Variants in RERE observed in about 807,000 individuals in gnomAD.
The protein encoded by RERE is arginine-glutamic acid dipeptide repeats protein.
In RERE, 40 loss-of-function variants were observed where a neutral mutation model predicts 146.1. The ratio of observed to expected loss-of-function variants is 0.27; its 90% confidence interval spans 0.21 to 0.36. RERE has a LOEUF of 0.36. RERE is among the 10% of genes least tolerant of loss of function. The pLI is 1.00. For synonymous variants in RERE, 1,003 were observed against 866.0 expected (o/e 1.16, Z -2.78); for missense variants, 1,933 against 2,138.7 (o/e 0.90, Z 1.90).
At chr1:8,490,902 A>C (rs72866098) in intron 10 of RERE, among the ~76,000 whole-genome samples, 2,952 of 150,454 alleles carry the variant, frequency 0.02, 370 homozygotes, top group African/African-American at 0.072. Context: ...GTAGTTTCAC[A>C]GATTTATATA....
chr1:8,364,169 G>A lies in RERE; in HGVS notation c.1627C>T (p.Pro543Ser), dbSNP rs1641708212. ...RIHFKKYGEL[P>S]PIEKPVDPPP... ...GGGTCCACGGGCTTCTCAATGGGCG[G>A]GAGCTCACCGTATTTCTTGAAGTGG... Residue 543 changes from proline to serine, a missense_variant, in exon 15 of 23, where the codon CCG (proline) becomes TCG (serine). Around this residue, in one of 11 missense-constraint regions of RERE, gnomAD observed 260 missense variants for 378.4 expected, o/e 0.69. Coordinates refer to ENST00000400908, the MANE Select transcript of RERE (RefSeq NM_001042681.2). The surrounding 1 kb of genome is among the most constrained non-coding windows in gnomAD (Gnocchi z 5.1). 6.2e-7 allele frequency: 1 copy of A among 1,614,140 alleles called. No individual in the cohort carries two copies.
intron 9 of RERE, 113 bp from the exon 10 acceptor site, chr1:8,495,275 G>T: frequency 1.4e-6 from 1 of 729,858 alleles, no homozygotes. Flanking sequence ...ATTACTACAC[G>T]CATGATGAAC....
At chr1:8,573,377 T>G (rs1417536207) in intron 4 of RERE, among the ~76,000 whole-genome samples, 2 of 147,008 alleles carry the variant, frequency 1.4e-5, no homozygotes, top group African/African-American at 2.5e-5. Context: ...ATTTTGCATG[T>G]TTTTATACTG....
chr1:8,561,627 G>GAA (rs1157117652), intron 4 of RERE, among the ~76,000 whole-genome samples: 6 of 152,296 alleles, frequency 3.9e-5, no homozygotes, highest in Admixed American at 2.6e-4. Context: ...TGCTGTGGGA[G>GAA]AATCTCTAAT....
chr1:8,523,851 G>C (rs1004964997), intron 7 of RERE, among the ~76,000 whole-genome samples: 2 of 152,232 alleles, frequency 1.3e-5, no homozygotes, highest in African/African-American at 4.8e-5. Context: ...ACCTGATCCA[G>C]AGCTGATTCG....
At chr1:8,416,422 T>TA (rs1643766442) in intron 12 of RERE, among the ~76,000 whole-genome samples, 1 of 151,790 alleles carries the variant, frequency 6.6e-6, no homozygotes, top group South Asian at 2.1e-4. Flanking sequence ...CCGTCTCTAC[T>TA]AAAAACACAA....
chr1:8,794,497 C>T (rs1200594558), intron 1 of RERE, among the ~76,000 whole-genome samples: 4 of 152,078 alleles, frequency 2.6e-5, no homozygotes, highest in Non-Finnish European at 5.9e-5. Flanking sequence ...TACCTGTTCC[C>T]ATTCCTAATA....
At chr1:8,645,819 A>C (rs1647279158) in intron 2 of RERE, among the ~76,000 whole-genome samples, 1 of 152,226 alleles carries the variant, frequency 6.6e-6, no homozygotes, top group Non-Finnish European at 1.5e-5. Context: ...ACGAAGTAAT[A>C]AGTTTTTATG....
intron 11 of RERE, among the ~76,000 whole-genome samples, chr1:8,438,177 C>T (rs191848774): frequency 7.2e-5 from 11 of 152,084 alleles, no homozygotes; most frequent in Admixed American, 2.0e-4. Context: ...TTTGTAGAGA[C>T]GGGGTTCTCA....
At chr1:8,409,438 A>T (rs1235058294) in intron 12 of RERE, among the ~76,000 whole-genome samples, 3 of 152,242 alleles carry the variant, frequency 2.0e-5, no homozygotes. Flanking sequence ...TCCTGTGAGC[A>T]GCACTGTTTT....
chr1:8,491,671 T>C (rs1004989166), intron 10 of RERE, among the ~76,000 whole-genome samples: 4 of 152,112 alleles, frequency 2.6e-5, no homozygotes, highest in African/African-American at 9.7e-5. Flanking sequence ...TCTAAACCAA[T>C]TGCAGTTTTA....
chr1:8,544,772 A>C (rs548671839), intron 6 of RERE, among the ~76,000 whole-genome samples: 1 of 152,306 alleles, frequency 6.6e-6, no homozygotes, highest in East Asian at 1.9e-4. Flanking sequence ...AAAGTAAAAC[A>C]ATGAGAATCA....
At chr1:8,783,762 C>A (rs971872260) in intron 1 of RERE, among the ~76,000 whole-genome samples, 6 of 152,108 alleles carry the variant, frequency 3.9e-5, no homozygotes, top group African/African-American at 1.2e-4. Flanking sequence ...CTGAAAAGGC[C>A]CCAAGAAGCA....
intron 1 of RERE, among the ~76,000 whole-genome samples, chr1:8,746,339 T>C (rs1302285977): frequency 2.0e-5 from 3 of 152,182 alleles, no homozygotes; most frequent in Non-Finnish European, 4.4e-5. Flanking sequence ...ACATGTAGTT[T>C]GGGTGGATCC....
intron 11 of RERE, among the ~76,000 whole-genome samples, chr1:8,425,420 A>G (rs1170781220): frequency 6.6e-6 from 1 of 152,190 alleles, no homozygotes; most frequent in Admixed American, 6.5e-5. Context: ...GGGACCCAAG[A>G]AGGCTAGACT....
At chr1:8,617,787 A>G (rs1289334754) in intron 3 of RERE, among the ~76,000 whole-genome samples, 2 of 152,214 alleles carry the variant, frequency 1.3e-5, no homozygotes, top group African/African-American at 4.8e-5. Context: ...TCATATGGAA[A>G]ACTCAAAACA....
At chr1:8,645,936 A>G (rs923123455) in intron 2 of RERE, among the ~76,000 whole-genome samples, 13 of 152,372 alleles carry the variant, frequency 8.5e-5, no homozygotes, top group Middle Eastern at 3.4e-3. Flanking sequence ...AAACAGAAGA[A>G]ATTAAAAGTT....
At chr1:8,544,278 T>C (rs2124397341) in intron 6 of RERE, among the ~76,000 whole-genome samples, 1 of 152,358 alleles carries the variant, frequency 6.6e-6, no homozygotes, top group African/African-American at 2.4e-5. Flanking sequence ...GTTAACTACA[T>C]CTAAGTTTTC....
At chr1:8,747,966 T>TG (rs1227496249) in intron 1 of RERE, among the ~76,000 whole-genome samples, 1 of 152,046 alleles carries the variant, frequency 6.6e-6, no homozygotes, top group Non-Finnish European at 1.5e-5. Flanking sequence ...TTAGTAGAGA[T>TG]GGGGTTTCAC....
Sources: allele counts gnomAD v4.1 joint callset (sites outside exome capture counted in the v4.1 genomes callset), GRCh38; gene constraint gnomAD v4.1.1; regional missense constraint gnomAD v4.1.1; non-coding constraint Gnocchi (gnomAD v3.1); transcripts MANE v1.5; gene names NCBI Gene and HGNC (gene_info 2026-07-23, HGNC 2026-07-21).